Variants in SORCS3 observed in about 807,000 individuals in gnomAD.
SORCS3 encodes the protein VPS10 domain-containing receptor SorCS3.
Under a neutral mutation model 146.3 loss-of-function variants are expected in SORCS3, and 57 were observed. That is an observed-to-expected ratio of 0.39 (90% CI 0.31 to 0.49). The LOEUF (loss-of-function observed/expected upper bound fraction) is 0.49, where lower values mean the gene tolerates loss of function less well. Ranked by LOEUF, SORCS3 falls within the 20% of genes least tolerant of loss-of-function variation. SORCS3 has a pLI of 0.92. For synonymous variants in SORCS3, 653 were observed against 618.5 expected, an observed-to-expected ratio of 1.06 and a Z score of -0.83; for missense variants, 1,341 against 1,575.5, an observed-to-expected ratio of 0.85 and a Z score of 2.52.
At chr10:105,259,822 T>C (rs1172071058) in intron 25 of SORCS3, among the ~76,000 whole-genome samples, 1 of 152,160 alleles carries the variant, frequency 6.6e-6, no homozygotes, top group African/African-American at 2.4e-5. Context: ...GATGGATAAA[T>C]AGATACAAAC....
intron 7 of SORCS3, 70 bp downstream of exon 7, chr10:105,105,585 AG>A: frequency 9.1e-7 from 1 of 1,095,346 alleles, no homozygotes; most frequent in Non-Finnish European, 1.4e-6. Flanking sequence ...TAGGAAAAGG[AG>A]GGTGGCTTTC....
chr10:104,910,795 G>T (rs1052091603), intron 2 of SORCS3, among the ~76,000 whole-genome samples: 3 of 152,228 alleles, frequency 2.0e-5, no homozygotes, highest in African/African-American at 7.2e-5. Context: ...TGGGGTTGGG[G>T]TAACTGGAGC....
chr10:105,069,911 C>T (rs1458879383), intron 5 of SORCS3, among the ~76,000 whole-genome samples: 2 of 152,160 alleles, frequency 1.3e-5, no homozygotes, highest in East Asian at 1.9e-4. Flanking sequence ...CTCCCCCGCC[C>T]CGATCCCAAC....
intron 9 of SORCS3, among the ~76,000 whole-genome samples, chr10:105,153,645 A>ATGTGTG (rs372134420): frequency 2.5e-4 from 36 of 146,200 alleles, no homozygotes; most frequent in African/African-American, 7.3e-4. Flanking sequence ...GTGTGTGTGT[A>ATGTGTG]TGTGTGTGTG....
chr10:105,215,586 G>A (rs1366934389), intron 18 of SORCS3, among the ~76,000 whole-genome samples: 2 of 152,162 alleles, frequency 1.3e-5, no homozygotes, highest in Non-Finnish European at 2.9e-5. Flanking sequence ...ATTTCCACTA[G>A]GGAGTTTCCA....
chr10:104,667,311 G>A (rs2015793047), intron 1 of SORCS3, among the ~76,000 whole-genome samples: 1 of 152,026 alleles, frequency 6.6e-6, no homozygotes, highest in African/African-American at 2.4e-5. Flanking sequence ...CTCTGCCTAT[G>A]CCCCATCTTT....
intron 8 of SORCS3, among the ~76,000 whole-genome samples, chr10:105,140,420 T>C (rs2056087099): frequency 1.3e-5 from 2 of 152,082 alleles, no homozygotes; most frequent in Admixed American, 6.6e-5. Flanking sequence ...ATGAGTAGAG[T>C]AGTGAATAAG....
At chr10:105,186,176 T>G (rs1202681803) in intron 14 of SORCS3, among the ~76,000 whole-genome samples, 1 of 152,208 alleles carries the variant, frequency 6.6e-6, no homozygotes, top group African/African-American at 2.4e-5. Flanking sequence ...TGAATTGACA[T>G]TATCACAAAT....
At chr10:104,877,025 C>T (rs2018583384) in intron 2 of SORCS3, among the ~76,000 whole-genome samples, 1 of 151,606 alleles carries the variant, frequency 6.6e-6, no homozygotes, top group South Asian at 2.1e-4. Flanking sequence ...TTATTTTTTC[C>T]TTTTTTTTGG....
chr10:104,926,938 G>A (rs891617829), intron 3 of SORCS3, among the ~76,000 whole-genome samples: 3 of 152,094 alleles, frequency 2.0e-5, no homozygotes, highest in African/African-American at 7.2e-5. Flanking sequence ...GGTTTGCATC[G>A]AGTATATCGT....
At chr10:104,814,238 C>T (rs1376543124) in intron 1 of SORCS3, among the ~76,000 whole-genome samples, 1 of 152,074 alleles carries the variant, frequency 6.6e-6, no homozygotes, top group African/African-American at 2.4e-5. Context: ...TCTCTCTCTT[C>T]CTACCTGCAG....
chr10:104,896,321 T>C (rs1027953844), intron 2 of SORCS3, among the ~76,000 whole-genome samples: 2 of 152,180 alleles, frequency 1.3e-5, no homozygotes, highest in Non-Finnish European at 2.9e-5. Flanking sequence ...TTGGCCTTAA[T>C]AAAGAATCAC....
intron 3 of SORCS3, among the ~76,000 whole-genome samples, chr10:104,922,697 A>C (rs1181668636): frequency 6.6e-6 from 1 of 152,108 alleles, no homozygotes. Context: ...TAGGAGGTGG[A>C]GTTCAGGGTT....
chr10:105,166,243 C>T (rs1396506037), intron 12 of SORCS3, among the ~76,000 whole-genome samples: 1 of 152,142 alleles, frequency 6.6e-6, no homozygotes, highest in Non-Finnish European at 1.5e-5. Flanking sequence ...CTTACACATT[C>T]ACCCCTTAAA....
intron 3 of SORCS3, among the ~76,000 whole-genome samples, chr10:104,975,117 A>T (rs2054887213): frequency 6.6e-6 from 1 of 152,146 alleles, no homozygotes; most frequent in African/African-American, 2.4e-5. Flanking sequence ...AGGAAGTCAA[A>T]TTGTCCTTGT....
chr10:105,119,713 G>A (rs1030249379), intron 7 of SORCS3, among the ~76,000 whole-genome samples: 5 of 152,134 alleles, frequency 3.3e-5, no homozygotes, highest in African/African-American at 4.8e-5. Flanking sequence ...ATTGGATTTC[G>A]GACTTGCATG....
At chr10:105,183,474 A>C (rs2119574213) in intron 14 of SORCS3, among the ~76,000 whole-genome samples, 1 of 152,288 alleles carries the variant, frequency 6.6e-6, no homozygotes, top group South Asian at 2.1e-4. Flanking sequence ...GAGGCTCAGC[A>C]CTGAGCTTAA....
Position 104,658,160 on chromosome 10 carries a change from A to G in SORCS3, c.627+16206A>G, listed in dbSNP as rs577583208. Among the ~76,000 whole-genome samples the G allele has an allele frequency of 1.6e-3, 237 of 152,302 alleles. 2 individuals carry two copies. The highest frequency in any genetic ancestry group is 5.6e-3 in the African/African-American group (231 of 41,580). On this transcript the variant is annotated intron_variant, in intron 1 of 26. Transcript: ENST00000369701. ...AATGGGGTAGGGCAGTGTTAATTAT[A>G]TTGTATGAAACACTGTTGTCACATG...
chr10:105,173,196 C>T (rs1046996690), intron 13 of SORCS3, among the ~76,000 whole-genome samples: 5 of 152,068 alleles, frequency 3.3e-5, no homozygotes, highest in African/African-American at 9.7e-5. Context: ...CCTGTAGTCC[C>T]AGCTTCTCAG....
Sources: gnomAD v4.1 joint callset for allele counts (sites outside exome capture counted in the v4.1 genomes callset) on GRCh38, gnomAD v4.1.1 for gene constraint, MANE v1.5 for transcripts, NCBI Gene and HGNC (gene_info 2026-07-23, HGNC 2026-07-21) for gene names.